The following AOPEP variants were observed in gnomAD, a reference collection of about 807,000 sequenced individuals.
The protein encoded by AOPEP is aminopeptidase O.
Under a neutral mutation model 98.1 loss-of-function variants are expected in AOPEP, and 77 were observed. That is an observed-to-expected ratio of 0.78 (90% confidence interval 0.65 to 0.95). AOPEP has a LOEUF of 0.95. Ranked by LOEUF, AOPEP falls within the 40% of genes least tolerant of loss-of-function variation. The pLI is 0.00. For synonymous variants in AOPEP, 346 were observed against 365.3 expected, an observed-to-expected ratio of 0.95 and a Z score of 0.60; for missense variants, 1,024 against 1,024.7, an observed-to-expected ratio of 1.00 and a Z score of 0.01.
At chr9:94,927,913 G>T (rs2054604348) in intron 6 of AOPEP, among the ~76,000 whole-genome samples, 1 of 152,198 alleles carries the variant, frequency 6.6e-6, no homozygotes, top group African/African-American at 2.4e-5. Flanking sequence ...GGCAGAGTGT[G>T]ATGGCCTCCC....
chr9:94,920,670 G>C (rs555406875), intron 5 of AOPEP, among the ~76,000 whole-genome samples: 13 of 152,354 alleles, frequency 8.5e-5, no homozygotes, highest in Admixed American at 4.6e-4. Flanking sequence ...GCTCCTGGGA[G>C]TAATGAAGGC....
chr9:94,858,840 G>T (rs1488860299), intron 5 of AOPEP, among the ~76,000 whole-genome samples: 2 of 152,054 alleles, frequency 1.3e-5, no homozygotes, highest in Non-Finnish European at 2.9e-5. Flanking sequence ...CCTGAGATCA[G>T]GAGTTGGAGA....
At chr9:95,062,545 C>A (rs1174908725) in intron 14 of AOPEP, among the ~76,000 whole-genome samples, 1 of 152,192 alleles carries the variant, frequency 6.6e-6, no homozygotes, top group Non-Finnish European at 1.5e-5. Flanking sequence ...GCTGCCATCC[C>A]GGTCTGTCCC....
intron 5 of AOPEP, among the ~76,000 whole-genome samples, chr9:94,808,432 TA>T (rs1001492137): frequency 6.6e-6 from 1 of 152,184 alleles, no homozygotes; most frequent in Non-Finnish European, 1.5e-5. Context: ...TACTTTTTTT[TA>T]AAAAAAATTG....
chr9:94,851,269 C>T (rs1402498749), intron 5 of AOPEP, among the ~76,000 whole-genome samples: 1 of 152,142 alleles, frequency 6.6e-6, no homozygotes, highest in African/African-American at 2.4e-5. Flanking sequence ...ATCTAGCTGC[C>T]CTCAGCTGGA....
Position 94,916,308 on chromosome 9 carries a change from G to C in AOPEP, c.1365-7678G>C, listed in dbSNP as rs60281179. On this transcript the variant is annotated intron_variant, in intron 5 of 16. Transcript: ENST00000375315. ...ATCTGCGTGCTCCAATGAGGCTGCCGACATGTTTTAGTTGGTTACTCACAT... is the reference window on the plus strand; with the variant it reads ...ATCTGCGTGCTCCAATGAGGCTGCCCACATGTTTTAGTTGGTTACTCACAT... Among the ~76,000 whole-genome samples the C allele has an allele frequency of 4.7e-3, 718 of 152,264 alleles. 5 individuals are homozygous for C. Among genetic ancestry groups the C allele is most frequent in the Non-Finnish European group, 6.1e-3 (417 of 68,026 alleles).
intron 14 of AOPEP, among the ~76,000 whole-genome samples, chr9:95,077,701 C>G (rs2069228486): frequency 6.6e-6 from 1 of 152,138 alleles, no homozygotes; most frequent in Non-Finnish European, 1.5e-5. Flanking sequence ...GAGCATCTTT[C>G]ACGACCTTGA....
At chr9:94,960,414 A>G (rs866972530) in intron 9 of AOPEP, among the ~76,000 whole-genome samples, 8 of 147,590 alleles carry the variant, frequency 5.4e-5, no homozygotes, top group Non-Finnish European at 1.5e-5. Flanking sequence ...ATCTCAGGGA[A>G]AAAAAAAAAA....
intron 14 of AOPEP, among the ~76,000 whole-genome samples, chr9:95,074,623 G>A (rs2068849372): frequency 6.6e-6 from 1 of 152,256 alleles, no homozygotes; most frequent in African/African-American, 2.4e-5. Context: ...GATGTCCAAA[G>A]TAATTTTTAT....
chr9:95,122,429 C>A, the AOPEP span, among the ~76,000 whole-genome samples: 1 of 152,124 alleles, frequency 6.6e-6, no homozygotes, highest in Non-Finnish European at 1.5e-5. Context: ...AGGTCCAGCT[C>A]TAGGAAGAGA....
intron 16 of AOPEP, chr9:95,086,164 A>T (rs1721817689): frequency 7.5e-7 from 1 of 1,335,846 alleles, no homozygotes; most frequent in African/African-American, 1.5e-5. Context: ...CACTCGCGGC[A>T]GACAGGCCCG....
Position 94,980,892 on chromosome 9 carries a change from T to C in AOPEP, c.1977+1465T>C, listed in dbSNP as rs1030553811. The stretch of plus-strand genomic sequence containing the variant: ...GTGAATAACCAACCCTTTTCCTTCA[T>C]GTTTCAGATGGGAGTGCAGGTGGTG... On this transcript the variant is annotated intron_variant, in intron 11 of 16. Transcript: ENST00000375315. This position sits in a 1 kb window ranked among gnomAD's most constrained non-coding sequence, Gnocchi z 4.3. Among the ~76,000 whole-genome samples the C allele has an allele frequency of 6.6e-6, 1 of 152,208 alleles. No homozygotes were observed. Among genetic ancestry groups the C allele is most frequent in the Non-Finnish European group, 1.5e-5 (1 of 68,028 alleles).
At chr9:94,934,953 A>AG (rs1485048215) in intron 7 of AOPEP, 1 of 152,210 alleles carries the variant, frequency 6.6e-6, no homozygotes, top group African/African-American at 2.4e-5. Flanking sequence ...CCCTGATGCA[A>AG]GGGGTATGGG....
intron 5 of AOPEP, among the ~76,000 whole-genome samples, chr9:94,810,326 T>C (rs1003519231): frequency 6.6e-6 from 1 of 151,680 alleles, no homozygotes; most frequent in African/African-American, 2.4e-5. Context: ...TTTGTTTTTT[T>C]TTTTTTGAGA....
chr9:95,143,915 G>C, the AOPEP span, among the ~76,000 whole-genome samples: 1 of 152,204 alleles, frequency 6.6e-6, no homozygotes. Flanking sequence ...AAACCATAAA[G>C]AGGGGCAAGC....
At chr9:94,906,067 C>T (rs1005026100) in intron 5 of AOPEP, among the ~76,000 whole-genome samples, 1 of 152,100 alleles carries the variant, frequency 6.6e-6, no homozygotes, top group Non-Finnish European at 1.5e-5. Context: ...ATTGGTTGGG[C>T]ATGGTAGCTC....
At chr9:94,830,233 C>A (rs1855647565) in intron 5 of AOPEP, among the ~76,000 whole-genome samples, 1 of 152,200 alleles carries the variant, frequency 6.6e-6, no homozygotes, top group African/African-American at 2.4e-5. Context: ...GTGGTTTCCC[C>A]ACCATGTGTC....
chr9:94,997,605 G>A (rs2061323055), intron 11 of AOPEP, among the ~76,000 whole-genome samples: 1 of 152,206 alleles, frequency 6.6e-6, no homozygotes, highest in Admixed American at 6.5e-5. Context: ...ATTGAGATTT[G>A]TAAAACACCT....
intron 7 of AOPEP, among the ~76,000 whole-genome samples, chr9:94,946,277 A>C (rs1015668392): frequency 6.6e-6 from 1 of 152,184 alleles, no homozygotes; most frequent in African/African-American, 2.4e-5. Flanking sequence ...GTTTTCCTTC[A>C]CATGCTTTAG....
Sources: allele counts gnomAD v4.1 joint callset (sites outside exome capture counted in the v4.1 genomes callset), GRCh38; gene constraint gnomAD v4.1.1; non-coding constraint Gnocchi (gnomAD v3.1); transcripts MANE v1.5; gene names NCBI Gene and HGNC (gene_info 2026-07-23, HGNC 2026-07-21).